ADK: variants seen among roughly 807,000 people sequenced by gnomAD.
The protein encoded by ADK is adenosine kinase, also known as N6,N6-dimethyladenosine kinase.
A neutral mutation model predicts 44.7 loss-of-function variants in ADK; 24 were observed. The ratio of observed to expected loss-of-function variants is 0.54; its 90% CI spans 0.39 to 0.76. ADK has a LOEUF of 0.76. Ranked by LOEUF, ADK falls within the 30% of genes least tolerant of loss-of-function variation. The pLI is 0.00. For synonymous variants in ADK, 128 were observed against 142.6 expected, an observed-to-expected ratio of 0.90 and a Z score of 0.73; for missense variants, 321 against 425.1, an observed-to-expected ratio of 0.76 and a Z score of 2.15.
intron 4 of ADK, among the ~76,000 whole-genome samples, chr10:74,346,967 G>A (rs1006873988): frequency 7.3e-5 from 11 of 151,724 alleles, no homozygotes; most frequent in Non-Finnish European, 1.5e-4. Flanking sequence ...AAAATTAGCC[G>A]GGCATGGTGG....
chr10:74,602,710 A>G (rs972448287), intron 9 of ADK, among the ~76,000 whole-genome samples: 37 of 152,228 alleles, frequency 2.4e-4, no homozygotes, highest in African/African-American at 8.7e-4. Flanking sequence ...ATGCATGATA[A>G]ATACAAGATG....
chr10:74,574,073 A>G (rs1161867826), intron 7 of ADK, among the ~76,000 whole-genome samples: 1 of 152,086 alleles, frequency 6.6e-6, no homozygotes. Context: ...CCAAATGGAA[A>G]TGCAGAAATC....
At chr10:74,540,910 G>A (rs985633253) in intron 7 of ADK, among the ~76,000 whole-genome samples, 12 of 152,182 alleles carry the variant, frequency 7.9e-5, no homozygotes, top group Non-Finnish European at 1.8e-4. Context: ...GAGAAAATAG[G>A]AGTCAAGAAG....
intron 9 of ADK, among the ~76,000 whole-genome samples, chr10:74,636,167 TAATATA>T (rs1250986353): frequency 2.0e-5 from 3 of 152,088 alleles, no homozygotes; most frequent in Admixed American, 1.3e-4. Flanking sequence ...TAGAATAATC[TAATATA>T]AATAGAAACT....
chr10:74,558,995 G>A (rs905693865), intron 7 of ADK, among the ~76,000 whole-genome samples: 1 of 152,234 alleles, frequency 6.6e-6, no homozygotes, highest in East Asian at 1.9e-4. Flanking sequence ...TCATGATCCA[G>A]AACTCAAGCC....
chr10:74,655,431 A>G, intron 9 of ADK: 1 of 426,280 alleles, frequency 2.3e-6, no homozygotes, highest in Non-Finnish European at 4.6e-6. Flanking sequence ...CTGTAGAAGG[A>G]CGATTTCATT....
At chr10:74,677,903 G>T (rs2134221328) in intron 10 of ADK, among the ~76,000 whole-genome samples, 1 of 131,748 alleles carries the variant, frequency 7.6e-6, no homozygotes, top group South Asian at 2.5e-4. Flanking sequence ...AGAGGCAGGA[G>T]GATCACATGA....
intron 6 of ADK, among the ~76,000 whole-genome samples, chr10:74,401,076 T>C (rs183162880): frequency 5.9e-5 from 9 of 152,372 alleles, no homozygotes; most frequent in Admixed American, 5.9e-4. Flanking sequence ...TTATGCCACG[T>C]AAACTCAGTT....
At chr10:74,601,768 T>C (rs545473874) in intron 9 of ADK, among the ~76,000 whole-genome samples, 11 of 151,866 alleles carry the variant, frequency 7.2e-5, no homozygotes, top group African/African-American at 2.7e-4. Context: ...TTGATATCCT[T>C]GCTAATCCTT....
chr10:74,217,061 C>T (rs891081781), intron 2 of ADK, among the ~76,000 whole-genome samples: 10 of 152,208 alleles, frequency 6.6e-5, no homozygotes, highest in African/African-American at 1.7e-4. Flanking sequence ...CGAAGCAGGG[C>T]GAGGCATTGC....
At chr10:74,252,733 C>T (rs539218216) in intron 3 of ADK, among the ~76,000 whole-genome samples, 11 of 152,282 alleles carry the variant, frequency 7.2e-5, no homozygotes, top group African/African-American at 2.2e-4. Flanking sequence ...AGTTAACCTA[C>T]GTTTCAGGGT....
rs1564642239 is a variant in ADK at position 74,302,101 on chromosome 10, G to GTTTTTTTTTT, written c.195-12563_195-12562insTTTTTTTTTT. On this transcript the variant is annotated intron_variant, in intron 3 of 10. Transcript: ENST00000539909. ...TTCTTTTCTTTTCTGTTTTTTTTTTGTTTGTTTGTTTTTTTTTTTTTTTTT... is the reference window on the plus strand; with the variant it reads ...TTCTTTTCTTTTCTGTTTTTTTTTTGTTTTTTTTTTTTTGTTTGTTTTTTTTTTTTTTTTT... Among the ~76,000 whole-genome samples, 8 of 11,688 alleles carry GTTTTTTTTTT rather than the reference G, an allele frequency of 6.8e-4. 1 individual carries two copies. The highest frequency in any genetic ancestry group is 1.7e-3 in the African/African-American group (6 of 3,528). 7.7% of individuals were successfully genotyped at this position (11,688 alleles called of 152,430 possible). A position where few individuals can be genotyped will look rare whatever the true frequency, so the allele number is the denominator to read the frequency against.
At chr10:74,608,452 C>A (rs1000038484) in intron 9 of ADK, among the ~76,000 whole-genome samples, 1 of 152,020 alleles carries the variant, frequency 6.6e-6, no homozygotes, top group African/African-American at 2.4e-5. Flanking sequence ...TGGTGCTATT[C>A]CTTTCTGTTT....
At chr10:74,526,944 A>G (rs1849064383) in intron 7 of ADK, among the ~76,000 whole-genome samples, 1 of 152,268 alleles carries the variant, frequency 6.6e-6, no homozygotes, top group Non-Finnish European at 1.5e-5. Context: ...CTTGAGAATC[A>G]TTGGGAGAAG....
chr10:74,332,372 A>G (rs1841248227), intron 4 of ADK, among the ~76,000 whole-genome samples: 1 of 152,198 alleles, frequency 6.6e-6, no homozygotes, highest in Non-Finnish European at 1.5e-5. Flanking sequence ...AGCTATTCTA[A>G]GCCATAGCAC....
intron 7 of ADK, among the ~76,000 whole-genome samples, chr10:74,537,212 C>T (rs967633942): frequency 1.6e-4 from 24 of 152,194 alleles, no homozygotes; most frequent in African/African-American, 5.8e-4. Context: ...TTCAGAAATA[C>T]ATAGTGACAA....
At chr10:74,224,356 A>C (rs1170703924) in intron 2 of ADK, among the ~76,000 whole-genome samples, 182 bp from the exon 3 acceptor site, 1 of 152,118 alleles carries the variant, frequency 6.6e-6, no homozygotes, top group Non-Finnish European at 1.5e-5. Context: ...CAGTTCCTGG[A>C]GTGGTGTTCC....
intron 6 of ADK, among the ~76,000 whole-genome samples, chr10:74,483,975 A>G (rs938465207): frequency 6.6e-6 from 1 of 151,992 alleles, no homozygotes; most frequent in Admixed American, 6.6e-5. Context: ...AGCCCTCCAA[A>G]CTGTTTCAAC....
intron 3 of ADK, among the ~76,000 whole-genome samples, chr10:74,299,788 A>G (rs1839939622): frequency 6.6e-6 from 1 of 151,778 alleles, no homozygotes; most frequent in Admixed American, 6.6e-5. Context: ...TTATTATTGA[A>G]CCAGTATTAT....
Sources: gnomAD v4.1 joint callset for allele counts (sites outside exome capture counted in the v4.1 genomes callset) on GRCh38, gnomAD v4.1.1 for gene constraint, MANE v1.5 for transcripts, NCBI Gene and HGNC (gene_info 2026-07-23, HGNC 2026-07-21) for gene names.